The following EIF2AK4 variants were observed in gnomAD, a reference collection of about 807,000 sequenced individuals.
EIF2AK4 encodes the protein eukaryotic translation initiation factor 2 alpha kinase 4.
A neutral mutation model predicts 211.1 loss-of-function variants in EIF2AK4; 139 were observed. The ratio of observed to expected loss-of-function variants is 0.66; its 90% CI spans 0.57 to 0.76. The LOEUF is 0.76. Ranked by LOEUF, EIF2AK4 falls within the 30% of genes least tolerant of loss-of-function variation. EIF2AK4 has a pLI of 0.00. For missense variants in EIF2AK4, 1,664 were observed against 2,043.8 expected, an observed-to-expected ratio of 0.81 and a Z score of 3.58; for synonymous variants, 710 against 751.3, an observed-to-expected ratio of 0.94 and a Z score of 0.90.
chr15:39,969,481 C>T (rs1477181444), intron 9 of EIF2AK4, among the ~76,000 whole-genome samples: 2 of 151,570 alleles, frequency 1.3e-5, no homozygotes, highest in Non-Finnish European at 2.9e-5. Flanking sequence ...CTGCCTCAGC[C>T]TCCTGAGTAG....
At chr15:39,954,722 C>T (rs2034366349) in intron 5 of EIF2AK4, among the ~76,000 whole-genome samples, 1 of 152,126 alleles carries the variant, frequency 6.6e-6, no homozygotes, top group Non-Finnish European at 1.5e-5. Flanking sequence ...CTTTATTTTT[C>T]CTGAGTCTAG....
Position 40,003,263 on chromosome 15 carries a change from C to A in EIF2AK4, c.3306C>A (p.Ala1102=). The change falls in exon 23 of 39, where the codon GCC becomes GCA. Residue 1102 remains alanine, a synonymous_variant. Transcript: ENST00000263791. The part of the protein sequence containing the change: ...NRQIYEHNEA[A]LFMDHSGMLV... ...AAATATATGAGCACAACGAAGCTGC[C>A]CTATTCATGGACCACAGCGGGATGC... 6.2e-7 allele frequency: 1 copy of A among 1,614,154 alleles called. No homozygotes were observed. Among genetic ancestry groups the A allele is most frequent in the Non-Finnish European group, 8.5e-7 (1 of 1,180,034 alleles).
chr15:40,000,956 C>T (rs550767740), intron 20 of EIF2AK4, 32 bp from the exon 21 acceptor site: 3 of 1,603,940 alleles, frequency 1.9e-6, no homozygotes, highest in South Asian at 2.2e-5. Context: ...TCCATTGCAT[C>T]CCATTAGCAG....
chr15:40,030,463 T>G lies in EIF2AK4; in HGVS notation c.4659+7T>G, dbSNP rs755048767. On this transcript the variant is annotated splice_region_variant and intron_variant, in intron 35 of 38. Coordinates refer to ENST00000263791, the MANE Select transcript of EIF2AK4 (RefSeq NM_001013703.4). ...GAGGCGCTATGAAACTCAGGTACAC[T>G]GGGTCAGGGTTTCTTTGGCTTTCTA... 1 of 1,612,586 alleles carries G rather than the reference T, an allele frequency of 6.2e-7. No individual in the cohort carries two copies. Among genetic ancestry groups the G allele is most frequent in the Non-Finnish European group, 8.5e-7 (1 of 1,179,274 alleles).
intron 7 of EIF2AK4, among the ~76,000 whole-genome samples, chr15:39,965,143 CAG>C (rs1424483857): frequency 6.6e-6 from 1 of 152,078 alleles, no homozygotes; most frequent in Non-Finnish European, 1.5e-5. Context: ...TTTTTTGAGA[CAG>C]AGTCTTGCTC....
At chr15:39,992,694 C>G (rs1487582979) in intron 17 of EIF2AK4, 75 bp from the exon 18 acceptor site, 1 of 1,351,500 alleles carries the variant, frequency 7.4e-7, no homozygotes, top group South Asian at 1.2e-5. Context: ...TTTAAGAAAC[C>G]TTTTTTTGTT....
intron 31 of EIF2AK4, chr15:40,022,212 G>A (rs2035399345): frequency 8.4e-6 from 2 of 236,958 alleles, no homozygotes; most frequent in Non-Finnish European, 1.6e-5. Context: ...GTGTGTGTGT[G>A]TGTATGTTGT....
At chr15:39,939,734 A>G in intron 2 of EIF2AK4, 117 bp downstream of exon 2, 1 of 711,208 alleles carries the variant, frequency 1.4e-6, no homozygotes, top group Non-Finnish European at 2.2e-6. Context: ...ATAAAATTTC[A>G]TTTCCTCTAT....
At position 40,032,245 on chromosome 15, in the gene EIF2AK4, G is replaced by C; in HGVS notation, c.4728+8G>C. ...GAAATTGAAATTCTGGCTGTAAGTGGCTTTCTTTAGTATTTTGAAGGTGGC... is the reference window on the plus strand; with the variant it reads ...GAAATTGAAATTCTGGCTGTAAGTGCCTTTCTTTAGTATTTTGAAGGTGGC... On this transcript the variant is annotated splice_region_variant and intron_variant, in intron 36 of 38. Coordinates refer to ENST00000263791, the MANE Select transcript of EIF2AK4 (RefSeq NM_001013703.4). 1 of 1,613,640 alleles carries C rather than the reference G, an allele frequency of 6.2e-7. No individual in the cohort carries two copies. Among genetic ancestry groups the C allele is most frequent in the Non-Finnish European group, 8.5e-7 (1 of 1,179,536 alleles).
In EIF2AK4 at chr15:40,030,355, T is replaced by C. The variant is rs779253329; in HGVS notation, c.4562-4T>C. ...CATAAATTCTGAAACTCTCTTGGTC[T>C]CAGGTTTGTTTGAAATCCATGGAGC... On this transcript the variant is annotated splice_polypyrimidine_tract_variant and splice_region_variant and intron_variant, in intron 34 of 38. Transcript: ENST00000263791. 3 of 1,613,854 alleles carry C rather than the reference T, an allele frequency of 1.9e-6. No individual in the cohort carries two copies. Among genetic ancestry groups the C allele is most frequent in the Non-Finnish European group, 2.5e-6 (3 of 1,179,916 alleles).
chr15:39,965,090 A>T (rs1351528921), intron 7 of EIF2AK4, among the ~76,000 whole-genome samples: 1 of 152,204 alleles, frequency 6.6e-6, no homozygotes, highest in Non-Finnish European at 1.5e-5. Flanking sequence ...TGAAAATAAC[A>T]TTGTGCATAA....
intron 7 of EIF2AK4, among the ~76,000 whole-genome samples, chr15:39,964,683 T>C (rs1157006725): frequency 6.6e-6 from 1 of 152,220 alleles, no homozygotes; most frequent in Non-Finnish European, 1.5e-5. Flanking sequence ...CCTTTTCCAA[T>C]TTTTTAGAAT....
chr15:39,990,685 G>C (rs1009979902), intron 16 of EIF2AK4, among the ~76,000 whole-genome samples: 1 of 152,262 alleles, frequency 6.6e-6, no homozygotes, highest in Non-Finnish European at 1.5e-5. Context: ...CACTGGGCTA[G>C]ATGCTTTATA....
chr15:40,011,265 T>C lies in EIF2AK4; in HGVS notation c.3694-16T>C, dbSNP rs1179537653. The C allele has an allele frequency of 6.2e-7, 1 of 1,613,170 alleles. No homozygotes were observed. Among genetic ancestry groups the C allele is most frequent in the East Asian group, 2.2e-5 (1 of 44,874 alleles). ...GATTTCGCGACTCTCATTGTTACCT[T>C]TTTCTTCCACGTTAGACAGAGAAGC... On this transcript the variant is annotated splice_polypyrimidine_tract_variant and intron_variant, in intron 26 of 38. Coordinates refer to ENST00000263791, the MANE Select transcript of EIF2AK4 (RefSeq NM_001013703.4).
chr15:39,990,599 G>C (rs1289204811), intron 16 of EIF2AK4, among the ~76,000 whole-genome samples: 2 of 152,136 alleles, frequency 1.3e-5, no homozygotes. Context: ...AAAATTATTG[G>C]CTTGGGAACA....
intron 13 of EIF2AK4, among the ~76,000 whole-genome samples, chr15:39,978,922 T>G (rs1436169665): frequency 6.6e-6 from 1 of 152,212 alleles, no homozygotes; most frequent in East Asian, 1.9e-4. Context: ...TTGTGAAAAC[T>G]ATAATTAAAA....
At position 40,001,164 on chromosome 15, in the gene EIF2AK4, G is replaced by C. The variant is rs764693714; in HGVS notation, c.3099G>C (p.Gln1033His). 6.2e-7 allele frequency: 1 copy of C among 1,614,102 alleles called. No homozygotes were observed. The highest frequency in any genetic ancestry group is 2.2e-5 in the East Asian group (1 of 44,880). The change falls in exon 21 of 39, where the codon CAG becomes CAC. Residue 1033 changes from glutamine to histidine, a missense_variant. Gln to His is a conservative substitution (Grantham distance 24). Around this residue, in one of 7 missense-constraint regions of EIF2AK4, gnomAD observed 622 missense variants for 796.8 expected, o/e 0.78. Coordinates refer to ENST00000263791, the MANE Select transcript of EIF2AK4 (RefSeq NM_001013703.4). ...AGGCCTACCGCACCATGATGGCCCA[G>C]ATCTTCTCGCAGCGCATCTCCCCTG... ...DGKAYRTMMA[Q>H]IFSQRISPAI... is the part of the protein sequence containing the mutation.
intron 21 of EIF2AK4, among the ~76,000 whole-genome samples, 158 bp downstream of exon 21, chr15:40,001,382 G>A (rs1230809469): frequency 6.6e-6 from 1 of 152,096 alleles, no homozygotes; most frequent in East Asian, 1.9e-4. Flanking sequence ...TATGCATTCA[G>A]GGAAGAGGAC....
Position 39,982,662 on chromosome 15 carries a change from A to G in EIF2AK4, c.2320-3143A>G, listed in dbSNP as rs576730828. 2.5e-4 allele frequency among the ~76,000 whole-genome samples: 38 copies of G among 152,102 alleles called. 1 individual carries two copies. Among genetic ancestry groups the G allele is most frequent in the Admixed American group, 7.9e-4 (12 of 15,272 alleles). On this transcript the variant is annotated intron_variant, in intron 13 of 38. Transcript: ENST00000263791. ...CTGCACCCATTAACTTGTCATCTAC[A>G]TTAGGTATTTCTCCTAAAGCTATCC...
Sources: gnomAD v4.1 joint callset for allele counts (sites outside exome capture counted in the v4.1 genomes callset) on GRCh38, gnomAD v4.1.1 for gene constraint, gnomAD v4.1.1 regional missense constraint, MANE v1.5 for transcripts, NCBI Gene and HGNC (gene_info 2026-07-23, HGNC 2026-07-21) for gene names.